The following ADGRB3 variants were observed in gnomAD, a reference collection of about 807,000 sequenced individuals.
ADGRB3 encodes the protein brain-specific angiogenesis inhibitor 3.
A neutral mutation model predicts 193.4 loss-of-function variants in ADGRB3; 37 were observed. The observed-to-expected ratio is 0.19, with a 90% CI of 0.15 to 0.25. ADGRB3 has a LOEUF of 0.25. Among genes scored for constraint, ADGRB3 ranks in the 10% least tolerant of loss-of-function variants. ADGRB3 has a pLI of 1.00. For missense variants in ADGRB3, 1,637 were observed against 1,852.9 expected (o/e 0.88, Z 2.14); for synonymous variants, 690 against 644.2 (o/e 1.07, Z -1.08).
chr6:68,740,285 G>T (rs995398845), intron 3 of ADGRB3, among the ~76,000 whole-genome samples: 1 of 152,166 alleles, frequency 6.6e-6, no homozygotes, highest in African/African-American at 2.4e-5. Context: ...AAGTCTGGGC[G>T]TGGTGGCATA....
chr6:68,752,216 T>C (rs991211000), intron 3 of ADGRB3, among the ~76,000 whole-genome samples: 7 of 151,482 alleles, frequency 4.6e-5, no homozygotes, highest in African/African-American at 1.7e-4. Context: ...TTGGTTAAGA[T>C]AGTATAGGAA....
intron 17 of ADGRB3, among the ~76,000 whole-genome samples, chr6:69,087,311 A>G (rs1016206155): frequency 4.6e-5 from 7 of 152,220 alleles, no homozygotes; most frequent in African/African-American, 1.7e-4. Context: ...CATGGAAAAT[A>G]GAAGAATATC....
intron 20 of ADGRB3, among the ~76,000 whole-genome samples, chr6:69,298,635 ATTTGTTCT>A (rs548279710): frequency 2.3e-4 from 35 of 151,932 alleles, no homozygotes; most frequent in African/African-American, 8.2e-4. Flanking sequence ...AACATGTGAT[ATTTGTTCT>A]TTTGTGTCTG....
At chr6:69,347,069 A>G (rs1455793722) in intron 26 of ADGRB3, among the ~76,000 whole-genome samples, 3 of 152,218 alleles carry the variant, frequency 2.0e-5, no homozygotes, top group African/African-American at 7.2e-5. Flanking sequence ...GACATGGATG[A>G]AGCTGGAAAC....
At chr6:68,674,418 A>G (rs1398575409) in intron 3 of ADGRB3, among the ~76,000 whole-genome samples, 1 of 152,198 alleles carries the variant, frequency 6.6e-6, no homozygotes, top group Non-Finnish European at 1.5e-5. Flanking sequence ...TTACACAAAC[A>G]TGCATAAATA....
intron 3 of ADGRB3, among the ~76,000 whole-genome samples, chr6:68,864,932 A>G (rs577328171): frequency 3.9e-5 from 6 of 152,278 alleles, no homozygotes; most frequent in African/African-American, 1.4e-4. Flanking sequence ...TCAGTCTTCT[A>G]AGGTTTACAC....
intron 20 of ADGRB3, among the ~76,000 whole-genome samples, chr6:69,321,318 T>G (rs1768451369): frequency 6.6e-6 from 1 of 151,798 alleles, no homozygotes; most frequent in Non-Finnish European, 1.5e-5. Context: ...GCTGTGACAC[T>G]GATGAGACCA....
chr6:68,772,894 A>AATATATATATATATAT (rs1208790675), intron 3 of ADGRB3, among the ~76,000 whole-genome samples: 6 of 22,876 alleles, frequency 2.6e-4, no homozygotes, highest in Admixed American at 6.6e-4. Context: ...AAAAAAAAAA[A>AATATATATATATATAT]ATATATATAT....
chr6:68,914,658 A>G (rs1041388908), intron 3 of ADGRB3, among the ~76,000 whole-genome samples: 6 of 152,224 alleles, frequency 3.9e-5, no homozygotes, highest in Non-Finnish European at 8.8e-5. Context: ...TAACCAGCTA[A>G]CATCATAATG....
At chr6:68,828,332 A>G (rs1767888228) in intron 3 of ADGRB3, among the ~76,000 whole-genome samples, 1 of 152,226 alleles carries the variant, frequency 6.6e-6, no homozygotes, top group Non-Finnish European at 1.5e-5. Context: ...TCTGAAGAAG[A>G]TGTTCTAGCA....
chr6:68,966,528 C>A (rs959358175), intron 8 of ADGRB3, among the ~76,000 whole-genome samples: 6 of 152,086 alleles, frequency 3.9e-5, no homozygotes, highest in Non-Finnish European at 7.3e-5. Flanking sequence ...TGGATTTTCC[C>A]ACATGTGGTT....
At chr6:69,010,707 A>T (rs1226845624) in intron 11 of ADGRB3, among the ~76,000 whole-genome samples, 4 of 151,656 alleles carry the variant, frequency 2.6e-5, no homozygotes, top group Admixed American at 2.0e-4. Flanking sequence ...AACTCCAAAC[A>T]GTTCAGATTC....
At chr6:69,272,053 G>T (rs1767193039) in intron 20 of ADGRB3, among the ~76,000 whole-genome samples, 2 of 152,004 alleles carry the variant, frequency 1.3e-5, no homozygotes, top group African/African-American at 2.4e-5. Flanking sequence ...AAATAACAAA[G>T]AATTTAACAA....
At chr6:69,067,315 T>C (rs1264727893) in intron 16 of ADGRB3, among the ~76,000 whole-genome samples, 1 of 152,128 alleles carries the variant, frequency 6.6e-6, no homozygotes, top group Non-Finnish European at 1.5e-5. Context: ...TTTGCGTGCA[T>C]TCTAATAGCA....
chr6:69,168,359 A>G (rs909423754), intron 17 of ADGRB3, among the ~76,000 whole-genome samples: 3 of 152,192 alleles, frequency 2.0e-5, no homozygotes, highest in East Asian at 3.9e-4. Flanking sequence ...GCATGGGAAA[A>G]CAAAATCTAT....
intron 3 of ADGRB3, among the ~76,000 whole-genome samples, chr6:68,789,726 T>C (rs1767060223): frequency 6.6e-6 from 1 of 152,246 alleles, no homozygotes; most frequent in Admixed American, 6.5e-5. Flanking sequence ...GAAGTTCTCC[T>C]GGATAATATC....
chr6:68,869,222 C>T (rs1350871298), intron 3 of ADGRB3, among the ~76,000 whole-genome samples: 1 of 152,070 alleles, frequency 6.6e-6, no homozygotes, highest in Non-Finnish European at 1.5e-5. Context: ...GAAACTAAAA[C>T]CAAAGACTCC....
chr6:69,158,918 C>T (rs1021706058), intron 17 of ADGRB3, among the ~76,000 whole-genome samples: 1 of 151,988 alleles, frequency 6.6e-6, no homozygotes, highest in Non-Finnish European at 1.5e-5. Context: ...CAGAATCAAG[C>T]TCCTAGTTCT....
chr6:68,750,966 C>G (rs1582171448), intron 3 of ADGRB3, among the ~76,000 whole-genome samples: 1 of 152,106 alleles, frequency 6.6e-6, no homozygotes. Flanking sequence ...CCCATCTGTC[C>G]TAAGCTTAGC....
Sources: gnomAD v4.1 joint callset for allele counts (sites outside exome capture counted in the v4.1 genomes callset) on GRCh38, gnomAD v4.1.1 for gene constraint, MANE v1.5 for transcripts, NCBI Gene and HGNC (gene_info 2026-07-23, HGNC 2026-07-21) for gene names.